The following TAMALIN variants were observed in gnomAD, a reference collection of about 807,000 sequenced individuals.
TAMALIN encodes the protein trafficking regulator and scaffold protein tamalin.
Under a neutral mutation model 38.5 loss-of-function variants are expected in TAMALIN, and 9 were observed. That is an observed-to-expected ratio of 0.23 (90% CI 0.14 to 0.41). TAMALIN has a LOEUF of 0.41. TAMALIN is among the 10% of genes least tolerant of loss of function. The pLI is 1.00. For missense variants in TAMALIN, 548 were observed against 554.1 expected (o/e 0.99, Z 0.11); for synonymous variants, 306 against 256.5 (o/e 1.19, Z -1.85).
rs1431605300 is a variant in TAMALIN, at chr12:52,014,914, G to C, written c.903G>C (p.Pro301=). 2 of 1,094,150 alleles carry C rather than the reference G, an allele frequency of 1.8e-6. No homozygotes were observed. The highest frequency in any genetic ancestry group is 1.7e-5 in the African/African-American group (1 of 58,002). 67.8% of individuals were successfully genotyped at this position (1,094,150 alleles called of 1,614,324 possible). ...CCGAGCCGCCGGCGCTGCCGCCCCC[G>C]CCGCCCCCGGCCCGCGCCTTCGGCC... The part of the protein sequence containing the change: ...GDSEPPALPP[P]PPPARAFGPG... Residue 301 remains proline (P), a synonymous_variant, in exon 8 of 8, where the codon CCG becomes CCC. Coordinates refer to ENST00000293662, the MANE Select transcript of TAMALIN (RefSeq NM_181711.4).
At chr12:52,009,079 A>G (rs1942457959) in intron 1 of TAMALIN, 111 bp from the exon 2 acceptor site, 3 of 1,008,488 alleles carry the variant, frequency 3.0e-6, no homozygotes, top group East Asian at 4.8e-5. Flanking sequence ...GTGGATGTGG[A>G]GCTGGGAAGG....
chr12:52,009,360 T>C, intron 2 of TAMALIN, 121 bp downstream of exon 2: 1 of 941,644 alleles, frequency 1.1e-6, no homozygotes, highest in Non-Finnish European at 1.6e-6. Flanking sequence ...TAAACATGGC[T>C]CCCCCGCTGG....
In TAMALIN at chr12:52,007,456, C is replaced by T; in HGVS notation, c.246+191C>T. Reference sequence around the variant, plus strand: ...GTGGCCCTCGCCTGCACACCGCGCCCAGGCTCGGTGGCTCTTAACTCCGCG... The same window carrying T: ...GTGGCCCTCGCCTGCACACCGCGCCTAGGCTCGGTGGCTCTTAACTCCGCG... On this transcript the variant is annotated intron_variant, in intron 1 of 7. Coordinates refer to ENST00000293662, the MANE Select transcript of TAMALIN (RefSeq NM_181711.4). This position sits in a 1 kb window ranked among gnomAD's most constrained non-coding sequence, Gnocchi z 6.7. 1 of 985,276 alleles carries T rather than the reference C, an allele frequency of 1.0e-6. No individual in the cohort carries two copies. The highest frequency in any genetic ancestry group is 1.2e-6 in the Non-Finnish European group (1 of 829,842). The allele number at this position is 985,276 out of a possible 1,614,324, so 61.0% of individuals were successfully genotyped here.
chr12:52,007,080 C>A lies in TAMALIN; in HGVS notation c.61C>A (p.Pro21Thr), dbSNP rs781656253. 3 of 1,473,506 alleles carry A rather than the reference C, an allele frequency of 2.0e-6. No homozygotes were observed. The highest frequency in any genetic ancestry group is 2.9e-5 in the African/African-American group (2 of 68,034). The allele number at this position is 1,473,506 out of a possible 1,614,324, so 91.3% of individuals were successfully genotyped here. A position where few individuals can be genotyped will look rare whatever the true frequency, so the allele number is the denominator to read the frequency against. The change falls in exon 1 of 8, where the codon CCC (proline) becomes ACC (threonine). Residue 21 changes from proline to threonine, a missense_variant. By Grantham distance (38) the Pro-to-Thr change is conservative. Transcript: ENST00000293662. The surrounding 1 kb of genome is among the most constrained non-coding windows in gnomAD (Gnocchi z 6.7). Reference protein sequence around the residue: ...QKEEAAATPDPAARTPDSEVA... With the variant: ...QKEEAAATPDTAARTPDSEVA... ...GGAGGAGGCGGCGGCCACCCCGGAC[C>A]CCGCCGCCCGGACTCCCGACTCGGA...
In TAMALIN at chr12:52,007,481, GC is replaced by G; in HGVS notation, c.246+220del. On this transcript the variant is annotated intron_variant, in intron 1 of 7. Transcript: ENST00000293662. The surrounding 1 kb of genome is among the most constrained non-coding windows in gnomAD (Gnocchi z 6.7). Reference sequence around the variant, plus strand: ...CAGGCTCGGTGGCTCTTAACTCCGCGCCCCATGCACGCCCCCTCTCTCCCTC... The same window carrying G: ...CAGGCTCGGTGGCTCTTAACTCCGCGCCCATGCACGCCCCCTCTCTCCCTC... The G allele has an allele frequency of 3.0e-6, 3 of 984,456 alleles. No individual in the cohort carries two copies. In the South Asian group the frequency reaches 1.4e-4, roughly 46 times the overall value. 61.0% of individuals were successfully genotyped at this position (984,456 alleles called of 1,614,324 possible).
intron 2 of TAMALIN, 188 bp from the exon 3 acceptor site, chr12:52,010,693 C>A: frequency 1.1e-6 from 1 of 887,964 alleles, no homozygotes; most frequent in Non-Finnish European, 1.7e-6. Context: ...TTCTCTGTGG[C>A]TCCATGAGGC....
In TAMALIN at chr12:52,007,578, C is replaced by T. The variant is rs1180763159; in HGVS notation, c.246+313C>T. On this transcript the variant is annotated intron_variant, in intron 1 of 7. Coordinates refer to ENST00000293662, the MANE Select transcript of TAMALIN (RefSeq NM_181711.4). This position sits in a 1 kb window ranked among gnomAD's most constrained non-coding sequence, Gnocchi z 6.7. ...CTTTCTGCCCCCCATGCCCCGCCTC[C>T]CCGTGGCCAGGTGTCCTGGGTCCCC... is the stretch of plus-strand genomic sequence containing the variant. 2 of 984,348 alleles carry T rather than the reference C, an allele frequency of 2.0e-6. No homozygotes were observed. Among genetic ancestry groups the T allele is most frequent in the African/African-American group, 1.7e-5 (1 of 57,192 alleles). 61.0% of individuals were successfully genotyped at this position (984,348 alleles called of 1,614,324 possible). A position where few individuals can be genotyped will look rare whatever the true frequency, so the allele number is the denominator to read the frequency against.
Position 52,014,918 on chromosome 12 carries a change from C to T in TAMALIN, c.907C>T (p.Pro303Ser), listed in dbSNP as rs1937760654. ...SEPPALPPPP[P>S]PARAFGPGPA... The stretch of plus-strand genomic sequence containing the variant: ...GCCGCCGGCGCTGCCGCCCCCGCCG[C>T]CCCCGGCCCGCGCCTTCGGCCCGGG... Residue 303 changes from proline to serine, a missense_variant, in exon 8 of 8, where the codon CCC becomes TCC. This residue lies in a region of TAMALIN where 415 missense variants were observed against 417.0 expected (regional missense o/e 1.00). Coordinates refer to ENST00000293662, the MANE Select transcript of TAMALIN (RefSeq NM_181711.4). 3 of 1,088,262 alleles carry T rather than the reference C, an allele frequency of 2.8e-6. No homozygotes were observed. The highest frequency in any genetic ancestry group is 3.4e-6 in the Non-Finnish European group (3 of 893,786). The allele number at this position is 1,088,262 out of a possible 1,614,324, so 67.4% of individuals were successfully genotyped here. A position where few individuals can be genotyped will look rare whatever the true frequency, so the allele number is the denominator to read the frequency against.
In TAMALIN at chr12:52,015,349, G is replaced by A; in HGVS notation, c.*150G>A. 1 of 972,444 alleles carries A rather than the reference G, an allele frequency of 1.0e-6. No homozygotes were observed. Among genetic ancestry groups the A allele is most frequent in the Non-Finnish European group, 1.4e-6 (1 of 698,402 alleles). The allele number at this position is 972,444 out of a possible 1,614,324, so 60.2% of individuals were successfully genotyped here. ...GGCCCGCCGGGTCGGTTCCTGGCTG[G>A]TGTCTGCTGAGGGAGTGGGGGGCCC... On this transcript the variant is annotated 3_prime_UTR_variant, in exon 8 of 8. Transcript: ENST00000293662.
Position 52,011,174 on chromosome 12 carries a change from G to T in TAMALIN, c.454+33G>T. ...CTGAGCCCAGGACACCCAGGTCTGGGAAGGGGATATGACCTTACTCCCAAG... is the reference window on the plus strand; with the variant it reads ...CTGAGCCCAGGACACCCAGGTCTGGTAAGGGGATATGACCTTACTCCCAAG... On this transcript the variant is annotated intron_variant, in intron 4 of 7. Coordinates refer to ENST00000293662, the MANE Select transcript of TAMALIN (RefSeq NM_181711.4). The surrounding 1 kb of genome is among the most constrained non-coding windows in gnomAD (Gnocchi z 5.3). 1 of 1,607,356 alleles carries T rather than the reference G, an allele frequency of 6.2e-7. No individual in the cohort carries two copies.
chr12:52,009,171 T>C lies in TAMALIN; in HGVS notation c.247-19T>C. On this transcript the variant is annotated intron_variant, in intron 1 of 7. Transcript: ENST00000293662. ...ACAGTCCCGCCTTACCTGCTCCTTC[T>C]GACCATCTTACTGCCCAGGGCTCAG... 1.9e-6 allele frequency: 3 copies of C among 1,613,888 alleles called. No homozygotes were observed. The highest frequency in any genetic ancestry group is 2.5e-6 in the Non-Finnish European group (3 of 1,179,764).
intron 7 of TAMALIN, 153 bp downstream of exon 7, chr12:52,014,354 T>TTC: frequency 1.4e-6 from 1 of 694,040 alleles, no homozygotes. Context: ...CTACTTTGGG[T>TTC]ACTGCCGCAG....
In TAMALIN at chr12:52,014,141, C is replaced by G. The variant is rs1937728280; in HGVS notation, c.622C>G (p.Leu208Val). The G allele has an allele frequency of 6.2e-7, 1 of 1,604,186 alleles. No homozygotes were observed. The highest frequency in any genetic ancestry group is 1.3e-5 in the African/African-American group (1 of 74,766). The change falls in exon 7 of 8, where the codon CTG becomes GTG. Residue 208 changes from leucine to valine, a missense_variant. Transcript: ENST00000293662. ...EARLQYLKQT[L>V]YEKWGEYRSL... ...TGGGGACTGTCTCTTGCAGCAAACC[C>G]TGTATGAGAAGTGGGGAGAGTACAG...
chr12:52,014,908 G>A lies in TAMALIN; in HGVS notation c.897G>A (p.Pro299=), dbSNP rs1437109171. ...FFGDSEPPAL[P]PPPPPARAFG... ...GGGACTCCGAGCCGCCGGCGCTGCC[G>A]CCCCCGCCGCCCCCGGCCCGCGCCT... is the stretch of plus-strand genomic sequence containing the variant. The change falls in exon 8 of 8, where the codon CCG becomes CCA. Residue 299 remains proline (P), a synonymous_variant. Transcript: ENST00000293662. 1.1e-5 allele frequency: 12 copies of A among 1,122,754 alleles called. No individual in the cohort carries two copies. The highest frequency in any genetic ancestry group is 1.7e-5 in the African/African-American group (1 of 58,406). 69.5% of individuals were successfully genotyped at this position (1,122,754 alleles called of 1,614,324 possible).
In TAMALIN at chr12:52,014,719, C is replaced by G. The variant is rs746561329; in HGVS notation, c.708C>G (p.Ile236Met). ...GCCTGGTGGTGAAGGACCCCAGCATCTACGACACGCTGGAGTCGGTGCGCT... is the reference window on the plus strand; with the variant it reads ...GCCTGGTGGTGAAGGACCCCAGCATGTACGACACGCTGGAGTCGGTGCGCT... ...VHGLVVKDPS[I>M]YDTLESVRSC... is the part of the protein sequence containing the mutation. The change falls in exon 8 of 8, where the codon ATC becomes ATG. Residue 236 changes from isoleucine (I) to methionine (M), a missense_variant. Transcript: ENST00000293662. 3.3e-6 allele frequency: 5 copies of G among 1,518,402 alleles called. No individual in the cohort carries two copies. In the African/African-American group the frequency reaches 7.0e-5, roughly 21 times the overall value. The allele number at this position is 1,518,402 out of a possible 1,614,324, so 94.1% of individuals were successfully genotyped here.
In TAMALIN at chr12:52,014,969, C is replaced by T. The variant is rs1937764367; in HGVS notation, c.958C>T (p.Pro320Ser). 3.1e-6 allele frequency: 3 copies of T among 973,586 alleles called. No individual in the cohort carries two copies. The highest frequency in any genetic ancestry group is 3.7e-6 in the Non-Finnish European group (3 of 820,170). 60.3% of individuals were successfully genotyped at this position (973,586 alleles called of 1,614,324 possible). ...CCCCGCCGAGACCCCTGCCGTGGGGCCGGGCCCTGGGCCGCGGGCCGCGCT... is the reference window on the plus strand; with the variant it reads ...CCCCGCCGAGACCCCTGCCGTGGGGTCGGGCCCTGGGCCGCGGGCCGCGCT... ...PGPAETPAVG[P>S]GPGPRAALSR... is the part of the protein sequence containing the mutation. The change falls in exon 8 of 8, where the codon CCG becomes TCG. Residue 320 changes from proline (P) to serine (S), a missense_variant. Physicochemically the swap from Pro to Ser is moderately conservative, Grantham distance 74 (BLOSUM62 -1). Around this residue, in one of 3 missense-constraint regions of TAMALIN, gnomAD observed 415 missense variants for 417.0 expected, o/e 1.00. Coordinates refer to ENST00000293662, the MANE Select transcript of TAMALIN (RefSeq NM_181711.4).
Position 52,007,462 on chromosome 12 carries a change from C to CCGAG in TAMALIN, c.246+197_246+198insCGAG. The CCGAG allele has an allele frequency of 1.0e-6, 1 of 985,180 alleles. No homozygotes were observed. Among genetic ancestry groups the CCGAG allele is most frequent in the Non-Finnish European group, 1.2e-6 (1 of 829,806 alleles). 61.0% of individuals were successfully genotyped at this position (985,180 alleles called of 1,614,324 possible). A position where few individuals can be genotyped will look rare whatever the true frequency, so the allele number is the denominator to read the frequency against. On this transcript the variant is annotated intron_variant, in intron 1 of 7. Coordinates refer to ENST00000293662, the MANE Select transcript of TAMALIN (RefSeq NM_181711.4). This position sits in a 1 kb window ranked among gnomAD's most constrained non-coding sequence, Gnocchi z 6.7. ...CTCGCCTGCACACCGCGCCCAGGCT[C>CCGAG]GGTGGCTCTTAACTCCGCGCCCCAT...
chr12:52,009,422 G>C (rs1454698582), intron 2 of TAMALIN, among the ~76,000 whole-genome samples, 183 bp downstream of exon 2: 1 of 152,226 alleles, frequency 6.6e-6, no homozygotes, highest in East Asian at 1.9e-4. Context: ...GCAGAGAAAG[G>C]AGGTAGGGAC....
chr12:52,007,239 T>A lies in TAMALIN; in HGVS notation c.220T>A (p.Ser74Thr). ...PAELYRALAV[S>T]GGTLPRRKGS... Reference sequence around the variant, plus strand: ...CGAGCTGTACCGCGCGCTCGCCGTGTCCGGGGGCACCCTGCCCCGCCGAAA... The same window carrying A: ...CGAGCTGTACCGCGCGCTCGCCGTGACCGGGGGCACCCTGCCCCGCCGAAA... The change falls in exon 1 of 8, where the codon TCC (serine) becomes ACC (threonine). Residue 74 changes from serine to threonine, a missense_variant. Physicochemically the swap from Ser to Thr is moderately conservative, Grantham distance 58 (BLOSUM62 1). Coordinates refer to ENST00000293662, the MANE Select transcript of TAMALIN (RefSeq NM_181711.4). This position sits in a 1 kb window ranked among gnomAD's most constrained non-coding sequence, Gnocchi z 6.7. 2 of 1,418,094 alleles carry A rather than the reference T, an allele frequency of 1.4e-6. No homozygotes were observed. Among genetic ancestry groups the A allele is most frequent in the Non-Finnish European group, 1.8e-6 (2 of 1,090,260 alleles). 87.8% of individuals were successfully genotyped at this position (1,418,094 alleles called of 1,614,324 possible). A position where few individuals can be genotyped will look rare whatever the true frequency, so the allele number is the denominator to read the frequency against.
Sources: gnomAD v4.1 joint callset for allele counts (sites outside exome capture counted in the v4.1 genomes callset) on GRCh38, gnomAD v4.1.1 for gene constraint, gnomAD v4.1.1 regional missense constraint, Gnocchi (gnomAD v3.1) non-coding constraint, MANE v1.5 for transcripts, NCBI Gene and HGNC (gene_info 2026-07-23, HGNC 2026-07-21) for gene names.